Variants in BRINP3 observed in about 807,000 individuals in gnomAD.
The protein encoded by BRINP3 is BMP/retinoic acid inducible neural specific 3.
A neutral mutation model predicts 71.0 loss-of-function variants in BRINP3; 19 were observed. That is an observed-to-expected ratio of 0.27 (90% confidence interval 0.19 to 0.39). BRINP3 has a LOEUF of 0.39. Among genes scored for constraint, BRINP3 ranks in the 10% least tolerant of loss-of-function variants. The probability of loss-of-function intolerance (pLI) is 1.00; values close to 1 mark genes in which losing one functional copy is unlikely to be tolerated. For missense variants in BRINP3, 959 were observed against 940.8 expected (o/e 1.02, Z -0.25); for synonymous variants, 380 against 337.7 (o/e 1.13, Z -1.37).
chr1:190,328,354 A>G (rs1666745450), intron 2 of BRINP3, among the ~76,000 whole-genome samples: 1 of 152,080 alleles, frequency 6.6e-6, no homozygotes, highest in South Asian at 2.1e-4. Flanking sequence ...AATAAGCACA[A>G]TCAGATATGA....
intron 3 of BRINP3, among the ~76,000 whole-genome samples, chr1:190,278,727 T>C (rs770585006): frequency 1.5e-4 from 23 of 151,644 alleles, no homozygotes; most frequent in Non-Finnish European, 2.8e-4. Flanking sequence ...ATTCCATCTC[T>C]TTCCCCCTTT....
At chr1:190,305,259 C>A (rs1665014206) in intron 2 of BRINP3, among the ~76,000 whole-genome samples, 1 of 151,804 alleles carries the variant, frequency 6.6e-6, no homozygotes, top group Non-Finnish European at 1.5e-5. Context: ...GGGTAACTAT[C>A]TGAATGAAAT....
chr1:190,397,200 G>C (rs544113175), intron 2 of BRINP3, among the ~76,000 whole-genome samples: 17 of 151,914 alleles, frequency 1.1e-4, no homozygotes, highest in African/African-American at 3.9e-4. Context: ...TAGCAAGTGG[G>C]GACTTCTGGC....
intron 3 of BRINP3, among the ~76,000 whole-genome samples, chr1:190,271,672 T>C (rs12025655): frequency 0.42 from 62,946 of 151,218 alleles, 13,667 homozygotes; most frequent in Non-Finnish European, 0.49. Flanking sequence ...CACAGTTCTT[T>C]AAATATCATA....
chr1:190,459,453 T>G (rs1226684727), intron 1 of BRINP3, among the ~76,000 whole-genome samples: 1 of 151,904 alleles, frequency 6.6e-6, no homozygotes, highest in African/African-American at 2.4e-5. Context: ...AAGAAATATT[T>G]ACTATAACAG....
intron 2 of BRINP3, among the ~76,000 whole-genome samples, chr1:190,374,228 T>A (rs532615259): frequency 3.7e-4 from 56 of 152,174 alleles, no homozygotes; most frequent in African/African-American, 1.3e-3. Flanking sequence ...TTATAGGACA[T>A]AACATAATAA....
chr1:190,402,053 CCAGA>C (rs1299957396), intron 2 of BRINP3, among the ~76,000 whole-genome samples: 1 of 151,634 alleles, frequency 6.6e-6, no homozygotes, highest in Non-Finnish European at 1.5e-5. Context: ...ATAATCTAAA[CCAGA>C]CAGTTAACAG....
chr1:190,334,312 A>C (rs1027195002), intron 2 of BRINP3, among the ~76,000 whole-genome samples: 1 of 151,850 alleles, frequency 6.6e-6, no homozygotes, highest in African/African-American at 2.4e-5. Context: ...TATGCTGAAA[A>C]ATATGTGAAT....
chr1:190,157,101 G>A (rs1656937873), intron 7 of BRINP3, among the ~76,000 whole-genome samples: 1 of 151,458 alleles, frequency 6.6e-6, no homozygotes, highest in East Asian at 1.9e-4. Flanking sequence ...AAGAGGATTG[G>A]TTCCAGGAAT....
chr1:190,316,860 G>T, intron 2 of BRINP3, among the ~76,000 whole-genome samples: 1 of 152,098 alleles, frequency 6.6e-6, no homozygotes, highest in Middle Eastern at 3.4e-3. Flanking sequence ...TTTTATAAAG[G>T]TTGGATTATC....
At chr1:190,350,591 T>C (rs1034514383) in intron 2 of BRINP3, among the ~76,000 whole-genome samples, 1 of 152,190 alleles carries the variant, frequency 6.6e-6, no homozygotes, top group African/African-American at 2.4e-5. Context: ...AAAAATGAGC[T>C]AGTTTTTCAA....
Position 190,435,459 on chromosome 1 carries a change from G to A in BRINP3, c.236+19196C>T, listed in dbSNP as rs934822801. Among the ~76,000 whole-genome samples, 26 of 151,492 alleles carry A rather than the reference G, an allele frequency of 1.7e-4. 1 individual carries two copies. The highest frequency in any genetic ancestry group is 1.3e-4 in the Non-Finnish European group (9 of 67,806). On this transcript the variant is annotated intron_variant, in intron 2 of 7. Coordinates refer to ENST00000367462, the MANE Select transcript of BRINP3 (RefSeq NM_199051.3). ...TTCTTGAGATTGATAACGTGAGATCGAGCAGACCAAAAAATAATTATATAG... is the reference window on the plus strand; with the variant it reads ...TTCTTGAGATTGATAACGTGAGATCAAGCAGACCAAAAAATAATTATATAG...
chr1:190,235,560 C>A, intron 4 of BRINP3, among the ~76,000 whole-genome samples: 1 of 152,020 alleles, frequency 6.6e-6, no homozygotes, highest in East Asian at 1.9e-4. Context: ...ACCATATTAC[C>A]CAGCTCCGTG....
chr1:190,451,244 T>A (rs1675587422), intron 2 of BRINP3, among the ~76,000 whole-genome samples: 1 of 152,188 alleles, frequency 6.6e-6, no homozygotes, highest in African/African-American at 2.4e-5. Context: ...ATGTGAAATG[T>A]TTATTTTATG....
At chr1:190,275,727 T>C (rs1416806706) in intron 3 of BRINP3, among the ~76,000 whole-genome samples, 2 of 151,714 alleles carry the variant, frequency 1.3e-5, no homozygotes, top group Non-Finnish European at 3.0e-5. Context: ...TCCAATGTTC[T>C]AGAACTTAAC....
At chr1:190,341,555 C>CA (rs1667656058) in intron 2 of BRINP3, among the ~76,000 whole-genome samples, 1 of 151,524 alleles carries the variant, frequency 6.6e-6, no homozygotes, top group Admixed American at 6.6e-5. Context: ...AACAAAACAA[C>CA]AAAAAACGTG....
At chr1:190,387,777 T>C (rs1004796428) in intron 2 of BRINP3, among the ~76,000 whole-genome samples, 26 of 151,902 alleles carry the variant, frequency 1.7e-4, no homozygotes, top group Non-Finnish European at 3.4e-4. Flanking sequence ...GATGACCTCC[T>C]CCAGCTTCGT....
rs149136983 is a variant in BRINP3 at position 190,460,971 on chromosome 1, T to G, written c.-50-6031A>C. On this transcript the variant is annotated intron_variant, in intron 1 of 7. Coordinates refer to ENST00000367462, the MANE Select transcript of BRINP3 (RefSeq NM_199051.3). ...ATACCAACTTTGCCTCTAAAATGTATTACTGCAATAGCTTCATGACTAGTT... is the reference window on the plus strand; with the variant it reads ...ATACCAACTTTGCCTCTAAAATGTAGTACTGCAATAGCTTCATGACTAGTT... Among the ~76,000 whole-genome samples, 262 of 152,278 alleles carry G rather than the reference T, an allele frequency of 1.7e-3. 1 individual carries two copies. The highest frequency in any genetic ancestry group is 5.6e-3 in the African/African-American group (231 of 41,562).
intron 1 of BRINP3, among the ~76,000 whole-genome samples, chr1:190,465,880 T>TA (rs796729998): frequency 1.4e-4 from 21 of 151,656 alleles, no homozygotes; most frequent in African/African-American, 1.9e-4. Context: ...AAGACAGTTT[T>TA]AAAAAAAAGA....
Sources: allele counts gnomAD v4.1 joint callset (sites outside exome capture counted in the v4.1 genomes callset), GRCh38; gene constraint gnomAD v4.1.1; transcripts MANE v1.5; gene names NCBI Gene and HGNC (gene_info 2026-07-23, HGNC 2026-07-21).